NLGN1: variants seen among roughly 807,000 people sequenced by gnomAD.
The protein encoded by NLGN1 is neuroligin 1.
Under a neutral mutation model 65.5 loss-of-function variants are expected in NLGN1, and 12 were observed. The observed-to-expected ratio is 0.18, with a 90% CI of 0.12 to 0.30. The LOEUF (loss-of-function observed/expected upper bound fraction) is 0.30, where lower values mean the gene tolerates loss of function less well. Among genes scored for constraint, NLGN1 ranks in the 10% least tolerant of loss-of-function variants. NLGN1 has a pLI of 1.00. For synonymous variants in NLGN1, 350 were observed against 359.5 expected, an observed-to-expected ratio of 0.97 and a Z score of 0.30; for missense variants, 750 against 1,007.1, an observed-to-expected ratio of 0.74 and a Z score of 3.46.
chr3:173,479,877 A>AT (rs1307625678), intron 2 of NLGN1, among the ~76,000 whole-genome samples: 2 of 152,120 alleles, frequency 1.3e-5, no homozygotes, highest in Admixed American at 6.6e-5. Flanking sequence ...TTTTATTTTT[A>AT]TTTTTTTGTA....
At chr3:174,225,672 A>G (rs967428220) in intron 4 of NLGN1, among the ~76,000 whole-genome samples, 1 of 152,006 alleles carries the variant, frequency 6.6e-6, no homozygotes, top group African/African-American at 2.4e-5. Context: ...CGGAGCTTGC[A>G]GTGAGCGGAG....
chr3:174,076,428 T>C (rs1192315308), intron 4 of NLGN1, among the ~76,000 whole-genome samples: 1 of 152,122 alleles, frequency 6.6e-6, no homozygotes. Context: ...CAGTGCCATT[T>C]CCTGAACACT....
intron 3 of NLGN1, among the ~76,000 whole-genome samples, chr3:173,688,168 G>A (rs372161315): frequency 3.3e-5 from 5 of 152,274 alleles, no homozygotes; most frequent in African/African-American, 1.2e-4. Context: ...GCTACTGCAT[G>A]TTCTTCCTAC....
At position 173,425,765 on chromosome 3, in the gene NLGN1, T is replaced by C. The variant is rs1715979678; in HGVS notation, c.-389-9245T>C. ...TAGTATACTTTGAAGTCAGGTATTA[T>C]AATGCCTCTAGCTTTGTTCTTTTTG... On this transcript the variant is annotated intron_variant, in intron 1 of 6. Transcript: ENST00000457714. Among the ~76,000 whole-genome samples the C allele has an allele frequency of 2.0e-5, 3 of 152,342 alleles. No individual in the cohort carries two copies. In the South Asian group the frequency reaches 6.2e-4, roughly 32 times the overall value.
intron 3 of NLGN1, among the ~76,000 whole-genome samples, chr3:173,607,239 T>C (rs1036075231): frequency 6.6e-6 from 1 of 151,916 alleles, no homozygotes; most frequent in African/African-American, 2.4e-5. Flanking sequence ...AAGAGATGTG[T>C]AGGCAATGCT....
chr3:174,180,858 A>G (rs1465541581), intron 4 of NLGN1: 1 of 152,140 alleles, frequency 6.6e-6, no homozygotes, highest in Non-Finnish European at 1.5e-5. Flanking sequence ...GGTACAAACA[A>G]TGTATAGAAC....
intron 3 of NLGN1, among the ~76,000 whole-genome samples, chr3:173,621,258 A>G (rs66679421): frequency 0.13 from 19,418 of 152,176 alleles, 1,345 homozygotes; most frequent in South Asian, 0.22. Context: ...AGGTTGAATC[A>G]GAAAGGTATC....
At chr3:174,159,272 G>T (rs181216858) in intron 4 of NLGN1, among the ~76,000 whole-genome samples, 1 of 151,758 alleles carries the variant, frequency 6.6e-6, no homozygotes, top group East Asian at 1.9e-4. Flanking sequence ...CTATACGTCT[G>T]TAACTAAGGT....
intron 4 of NLGN1, among the ~76,000 whole-genome samples, chr3:174,052,208 G>C (rs143048052): frequency 1.8e-3 from 270 of 150,558 alleles, no homozygotes; most frequent in African/African-American, 6.3e-3. Context: ...TTTCAATCTG[G>C]GGGGAAAGGC....
chr3:174,189,005 T>G (rs542433650), intron 4 of NLGN1, among the ~76,000 whole-genome samples: 1 of 152,116 alleles, frequency 6.6e-6, no homozygotes, highest in South Asian at 2.1e-4. Context: ...CACTTAACAT[T>G]AAAGTCACAC....
In NLGN1 at chr3:173,680,960, T is replaced by A. The variant is rs187291378; in HGVS notation, c.493+75869T>A. 1.3e-4 allele frequency among the ~76,000 whole-genome samples: 20 copies of A among 152,306 alleles called. No homozygotes were observed. In the East Asian group the frequency reaches 1.7e-3, roughly 13 times the overall value. ...TTTCTGCTTCAGGCTACATTTTTTT[T>A]AAAACCCTATAATAATTAATTTTAA... On this transcript the variant is annotated intron_variant, in intron 3 of 6. Coordinates refer to ENST00000457714, the Ensembl canonical transcript of NLGN1.
At chr3:173,895,547 C>T (rs1464991376) in intron 4 of NLGN1, among the ~76,000 whole-genome samples, 1 of 152,128 alleles carries the variant, frequency 6.6e-6, no homozygotes, top group African/African-American at 2.4e-5. Context: ...GTGTCAGAGA[C>T]TTTTATTCTA....
chr3:174,014,880 A>T (rs909538872), intron 4 of NLGN1, among the ~76,000 whole-genome samples: 1 of 152,168 alleles, frequency 6.6e-6, no homozygotes, highest in Non-Finnish European at 1.5e-5. Flanking sequence ...TAGAGGCTTC[A>T]TAAAAGATAA....
At chr3:174,064,726 T>C (rs1231059380) in intron 4 of NLGN1, among the ~76,000 whole-genome samples, 2 of 150,834 alleles carry the variant, frequency 1.3e-5, no homozygotes, top group Admixed American at 1.3e-4. Flanking sequence ...TTCTCAATAG[T>C]TTTGAAATTT....
At chr3:173,478,099 C>T (rs887782659) in intron 2 of NLGN1, among the ~76,000 whole-genome samples, 1 of 151,230 alleles carries the variant, frequency 6.6e-6, no homozygotes, top group Non-Finnish European at 1.5e-5. Flanking sequence ...AAGATACATG[C>T]ATGCATATGT....
At chr3:174,061,876 T>C (rs1415076728) in intron 4 of NLGN1, among the ~76,000 whole-genome samples, 1 of 152,128 alleles carries the variant, frequency 6.6e-6, no homozygotes, top group Non-Finnish European at 1.5e-5. Flanking sequence ...CAGCAGTTGA[T>C]TGCATGTCTC....
chr3:173,753,151 C>T (rs1203983420), intron 3 of NLGN1, among the ~76,000 whole-genome samples: 2 of 152,210 alleles, frequency 1.3e-5, no homozygotes, highest in East Asian at 3.9e-4. Flanking sequence ...TAAAACTACA[C>T]TCATTGCCTT....
rs372704563 is a variant in NLGN1, at chr3:173,536,354, C to T, written c.-320-67925C>T. Among the ~76,000 whole-genome samples, 17 of 152,278 alleles carry T rather than the reference C, an allele frequency of 1.1e-4. 1 individual carries two copies. Among genetic ancestry groups the T allele is most frequent in the Admixed American group, 2.0e-4 (3 of 15,282 alleles). On this transcript the variant is annotated intron_variant, in intron 2 of 6. Transcript: ENST00000457714. ...TGTTCCGTTTTCTTTGACTTATTCC[C>T]AGCTCCCAGCTTCCATTTCCTTACC...
At chr3:173,942,656 A>C (rs1284168163) in intron 4 of NLGN1, among the ~76,000 whole-genome samples, 2 of 147,922 alleles carry the variant, frequency 1.4e-5, no homozygotes, top group Non-Finnish European at 3.0e-5. Flanking sequence ...AAATACAGTG[A>C]AAAGGTATGT....
Sources: allele counts gnomAD v4.1 joint callset (sites outside exome capture counted in the v4.1 genomes callset), GRCh38; gene constraint gnomAD v4.1.1; transcripts MANE v1.5; gene names NCBI Gene and HGNC (gene_info 2026-07-23, HGNC 2026-07-21).